The following BCL2L1 variants were observed in gnomAD, a reference collection of about 807,000 sequenced individuals.
BCL2L1 encodes bcl-2-like protein 1.
Under a neutral mutation model 18.7 loss-of-function variants are expected in BCL2L1, and 1 was observed. That is an observed-to-expected ratio of 0.05 (90% CI 0.02 to 0.25). The LOEUF is 0.25. BCL2L1 is among the 10% of genes least tolerant of loss of function. The probability of loss-of-function intolerance (pLI) is 1.00; values close to 1 mark genes in which losing one functional copy is unlikely to be tolerated. For missense variants in BCL2L1, 207 were observed against 304.9 expected, an observed-to-expected ratio of 0.68 and a Z score of 2.39; for synonymous variants, 103 against 122.7, an observed-to-expected ratio of 0.84 and a Z score of 1.06.
chr20:31,710,156 A>T (rs1432313749), intron 2 of BCL2L1, among the ~76,000 whole-genome samples: 4 of 152,098 alleles, frequency 2.6e-5, no homozygotes, highest in African/African-American at 9.7e-5. Flanking sequence ...TGTACCAAGC[A>T]CTCTGCTAGA....
chr20:31,682,886 T>C (rs2060888073), intron 2 of BCL2L1, among the ~76,000 whole-genome samples: 1 of 152,258 alleles, frequency 6.6e-6, no homozygotes, highest in Non-Finnish European at 1.5e-5. Context: ...AACACTCATC[T>C]GTCAATATAT....
chr20:31,693,475 T>C lies in BCL2L1; in HGVS notation c.565-27389A>G, dbSNP rs995529806. Among the ~76,000 whole-genome samples the C allele has an allele frequency of 2.0e-4, 30 of 151,832 alleles. 1 individual carries two copies. In the East Asian group the frequency reaches 5.0e-3, roughly 25 times the overall value. On this transcript the variant is annotated intron_variant, in intron 2 of 2. Transcript: ENST00000307677. ...AAAACACAGAACTCAGGAGTATGGA[T>C]GGTGGGGTAGCTGTGATTGGGGAGG...
At chr20:31,723,768 C>T, upstream of BCL2L1, 4 of 985,440 alleles carry the variant, frequency 4.1e-6, no homozygotes, top group Non-Finnish European at 4.8e-6. Context: ...GGGCCACATC[C>T]CCCTTCATCG....
At chr20:31,696,740 T>C (rs576279709) in intron 2 of BCL2L1, among the ~76,000 whole-genome samples, 5 of 152,060 alleles carry the variant, frequency 3.3e-5, no homozygotes, top group Non-Finnish European at 4.4e-5. Context: ...CAGTGAGACC[T>C]TGTCTCTACT....
intron 2 of BCL2L1, among the ~76,000 whole-genome samples, chr20:31,706,879 T>C (rs80054178): frequency 0.014 from 2,191 of 152,278 alleles, 25 homozygotes; most frequent in Middle Eastern, 0.031. Context: ...GTTATCTTTC[T>C]TCAACATATG....
chr20:31,671,411 C>T (rs1568850078), intron 2 of BCL2L1, among the ~76,000 whole-genome samples: 1 of 152,228 alleles, frequency 6.6e-6, no homozygotes, highest in East Asian at 1.9e-4. Context: ...CTCCTGAGTG[C>T]TTCAGGCCCT....
intron 2 of BCL2L1, among the ~76,000 whole-genome samples, chr20:31,719,895 T>C (rs2061595359): frequency 6.6e-6 from 1 of 152,202 alleles, no homozygotes; most frequent in Admixed American, 6.5e-5. Context: ...CAATCCCTAC[T>C]TGGAGATGCC....
intron 2 of BCL2L1, among the ~76,000 whole-genome samples, chr20:31,709,018 C>T (rs2061412028): frequency 6.6e-6 from 1 of 152,198 alleles, no homozygotes; most frequent in Non-Finnish European, 1.5e-5. Context: ...TCTCTCCCTG[C>T]AGCTCTGCCT....
chr20:31,690,236 T>C (rs2061039709), intron 2 of BCL2L1, among the ~76,000 whole-genome samples: 1 of 151,860 alleles, frequency 6.6e-6, no homozygotes, highest in African/African-American at 2.4e-5. Flanking sequence ...GGACTACAGG[T>C]GTGTACCACT....
intron 2 of BCL2L1, among the ~76,000 whole-genome samples, chr20:31,681,597 C>T (rs1036736597): frequency 2.0e-5 from 3 of 152,194 alleles, no homozygotes; most frequent in Admixed American, 6.5e-5. Context: ...GCCATGACTG[C>T]GCCACTGCAC....
chr20:31,703,493 GTT>G (rs34123351), intron 2 of BCL2L1, among the ~76,000 whole-genome samples: 66 of 133,774 alleles, frequency 4.9e-4, no homozygotes, highest in African/African-American at 1.0e-3. Context: ...CTTGGTGGTT[GTT>G]TTTTTTTTTT....
chr20:31,697,897 T>TTTTTTTTTGTTTGTTTGTTTGTTTG (rs2061206530), intron 2 of BCL2L1, among the ~76,000 whole-genome samples: 1 of 148,694 alleles, frequency 6.7e-6, no homozygotes, highest in African/African-American at 2.6e-5. Flanking sequence ...TTGCTGTTTT[T>TTTTTTTTTGTTTGTTTGTTTGTTTG]TTTTTTTTGA....
intron 2 of BCL2L1, among the ~76,000 whole-genome samples, chr20:31,680,665 C>T (rs947706007): frequency 2.0e-5 from 3 of 152,210 alleles, no homozygotes; most frequent in African/African-American, 7.2e-5. Flanking sequence ...GCTTTGGACA[C>T]TCAGTCATTC....
chr20:31,686,532 A>C (rs180673645), intron 2 of BCL2L1: 1 of 152,358 alleles, frequency 6.6e-6, no homozygotes, highest in East Asian at 1.9e-4. Context: ...CCACATTTGC[A>C]AAGAGAGTGG....
intron 2 of BCL2L1, among the ~76,000 whole-genome samples, chr20:31,697,892 G>GTTTTTTTTTTTTTTTGTTTGTTTGTT (rs199575410): frequency 1.5e-5 from 2 of 129,640 alleles, no homozygotes; most frequent in African/African-American, 6.6e-5. Context: ...TGCTGTTGCT[G>GTTTTTTTTTTTTTTTGTTTGTTTGTT]TTTTTTTTTT....
At chr20:31,689,832 A>G (rs1367664618) in intron 2 of BCL2L1, among the ~76,000 whole-genome samples, 1 of 152,236 alleles carries the variant, frequency 6.6e-6, no homozygotes, top group Admixed American at 6.5e-5. Flanking sequence ...CCTGACCAAC[A>G]TGGAGAAATC....
upstream of BCL2L1, chr20:31,723,146 C>A: frequency 3.2e-6 from 1 of 311,306 alleles, no homozygotes; most frequent in South Asian, 1.3e-4. Flanking sequence ...TGCAATCTGA[C>A]TTTGGGAAGG....
chr20:31,709,724 A>G (rs1376889618), intron 2 of BCL2L1, among the ~76,000 whole-genome samples: 1 of 150,326 alleles, frequency 6.7e-6, no homozygotes, highest in Non-Finnish European at 1.5e-5. Context: ...AGTCCCAGCT[A>G]CCCGGGAGGC....
At chr20:31,675,729 G>C (rs1028123996) in intron 2 of BCL2L1, among the ~76,000 whole-genome samples, 8 of 152,278 alleles carry the variant, frequency 5.3e-5, no homozygotes, top group African/African-American at 1.7e-4. Flanking sequence ...GGTATGGGTG[G>C]GTGCCACAGC....
Sources: allele counts gnomAD v4.1 joint callset (sites outside exome capture counted in the v4.1 genomes callset), GRCh38; gene constraint gnomAD v4.1.1; transcripts MANE v1.5; gene names NCBI Gene and HGNC (gene_info 2026-07-23, HGNC 2026-07-21).